Variants in ERI3 observed in about 807,000 individuals in gnomAD.
ERI3 encodes the protein ERI1 exoribonuclease family member 3.
ERI3 carries 18 observed loss-of-function variants against 44.4 expected under a neutral mutation model. The ratio of observed to expected loss-of-function variants is 0.41; its 90% CI spans 0.28 to 0.60. The LOEUF (loss-of-function observed/expected upper bound fraction) is 0.60, where lower values mean the gene tolerates loss of function less well. ERI3 is among the 20% of genes least tolerant of loss of function. The pLI is 0.36. For synonymous variants in ERI3, 183 were observed against 164.8 expected, an observed-to-expected ratio of 1.11 and a Z score of -0.84; for missense variants, 294 against 435.5, an observed-to-expected ratio of 0.68 and a Z score of 2.89.
intron 6 of ERI3, among the ~76,000 whole-genome samples, chr1:44,293,000 G>A (rs779468677): frequency 6.6e-5 from 10 of 152,364 alleles, no homozygotes; most frequent in South Asian, 4.1e-4. Flanking sequence ...GCGGGAAGCC[G>A]ACAGCGAGCG....
chr1:44,295,919 C>T (rs980978766), intron 6 of ERI3, among the ~76,000 whole-genome samples: 2 of 152,202 alleles, frequency 1.3e-5, no homozygotes, highest in East Asian at 3.9e-4. Flanking sequence ...AAAGGAATCA[C>T]TAGTCCCATG....
chr1:44,243,773 C>G (rs12062880), intron 8 of ERI3: 1 of 152,174 alleles, frequency 6.6e-6, no homozygotes, highest in South Asian at 2.1e-4. Flanking sequence ...TTCAGGCCTG[C>G]GTGTTTCACT....
chr1:44,275,971 G>A (rs765716509), intron 7 of ERI3, among the ~76,000 whole-genome samples: 1 of 152,148 alleles, frequency 6.6e-6, no homozygotes, highest in African/African-American at 2.4e-5. Context: ...ATTAGGCATC[G>A]GGTGAGTGCC....
intron 7 of ERI3, among the ~76,000 whole-genome samples, chr1:44,266,530 C>T (rs1038238009): frequency 1.3e-5 from 2 of 152,192 alleles, no homozygotes; most frequent in Non-Finnish European, 2.9e-5. Flanking sequence ...GGATGGTTTT[C>T]GGAATCACAA....
chr1:44,276,018 A>G (rs1373472226), intron 7 of ERI3, among the ~76,000 whole-genome samples: 1 of 152,180 alleles, frequency 6.6e-6, no homozygotes, highest in Non-Finnish European at 1.5e-5. Flanking sequence ...AGTGAAGGGG[A>G]GCCAGCTTGT....
chr1:44,282,986 T>C (rs552537702), intron 7 of ERI3, among the ~76,000 whole-genome samples: 2 of 152,314 alleles, frequency 1.3e-5, no homozygotes, highest in Non-Finnish European at 2.9e-5. Context: ...TTTCCTGCCT[T>C]TCTGCCAAGG....
Position 44,221,336 on chromosome 1 carries a change from G to T in ERI3, c.*222C>A. On this transcript the variant is annotated 3_prime_UTR_variant, in exon 9 of 9. Transcript: ENST00000372257. The surrounding 1 kb of genome is among the most constrained non-coding windows in gnomAD (Gnocchi z 5.9). ...GGGCTGATACTGGGCTGAGATTGAG[G>T]GGTGGGGATGGGGGGCACAAAGTGT... 1.8e-6 allele frequency: 1 copy of T among 559,784 alleles called. No homozygotes were observed. Among genetic ancestry groups the T allele is most frequent in the Non-Finnish European group, 3.2e-6 (1 of 313,216 alleles). 34.7% of individuals were successfully genotyped at this position (559,784 alleles called of 1,614,324 possible).
At chr1:44,226,617 G>A (rs942015102) in intron 8 of ERI3, among the ~76,000 whole-genome samples, 4 of 151,956 alleles carry the variant, frequency 2.6e-5, no homozygotes, top group African/African-American at 9.7e-5. Flanking sequence ...CAGCACAGGG[G>A]GAGCATCTAG....
At chr1:44,225,460 A>C (rs1010284055) in intron 8 of ERI3, among the ~76,000 whole-genome samples, 2 of 152,172 alleles carry the variant, frequency 1.3e-5, no homozygotes, top group African/African-American at 4.8e-5. Context: ...CTGCAGGATC[A>C]TCAATTTGTG....
At chr1:44,253,452 A>T (rs1314095450) in intron 7 of ERI3, among the ~76,000 whole-genome samples, 1 of 152,240 alleles carries the variant, frequency 6.6e-6, no homozygotes, top group African/African-American at 2.4e-5. Flanking sequence ...TTGAGAATAC[A>T]GTTCCCTCTC....
intron 3 of ERI3, among the ~76,000 whole-genome samples, chr1:44,328,501 T>TTTGAGAAC (rs1646362322): frequency 6.6e-6 from 1 of 152,134 alleles, no homozygotes; most frequent in African/African-American, 2.4e-5. Flanking sequence ...AAGTCTGAAG[T>TTTGAGAAC]TTGAGAACCG....
At chr1:44,249,812 C>A (rs1644637620) in intron 7 of ERI3, among the ~76,000 whole-genome samples, 2 of 152,132 alleles carry the variant, frequency 1.3e-5, no homozygotes, top group South Asian at 4.1e-4. Flanking sequence ...GCGCAGTGGG[C>A]CAGAGAGCAG....
chr1:44,268,274 G>A (rs1330699473), intron 7 of ERI3, among the ~76,000 whole-genome samples: 4 of 90,354 alleles, frequency 4.4e-5, no homozygotes, highest in Admixed American at 1.0e-4. Context: ...CCCATAGGGT[G>A]ACTGGTGGCT....
chr1:44,250,555 G>C (rs887246652), intron 7 of ERI3, among the ~76,000 whole-genome samples: 1 of 152,188 alleles, frequency 6.6e-6, no homozygotes, highest in East Asian at 1.9e-4. Context: ...GAGGCAACCC[G>C]GTCCCGCCTG....
chr1:44,306,036 C>T (rs1389002774), intron 6 of ERI3, among the ~76,000 whole-genome samples: 1 of 152,206 alleles, frequency 6.6e-6, no homozygotes, highest in Non-Finnish European at 1.5e-5. Flanking sequence ...ATTAGCTGTG[C>T]GCTGTCACGC....
At chr1:44,304,229 A>G (rs890063765) in intron 6 of ERI3, among the ~76,000 whole-genome samples, 2 of 152,094 alleles carry the variant, frequency 1.3e-5, no homozygotes, top group Non-Finnish European at 2.9e-5. Context: ...CCAGTTGGAG[A>G]AAAAGATTAG....
intron 6 of ERI3, among the ~76,000 whole-genome samples, chr1:44,303,371 CTACT>C (rs1170243672): frequency 1.3e-5 from 2 of 152,234 alleles, no homozygotes; most frequent in Non-Finnish European, 1.5e-5. Flanking sequence ...CTAAATCTAC[CTACT>C]AACAGTCCTC....
intron 4 of ERI3, among the ~76,000 whole-genome samples, chr1:44,318,603 G>A (rs528501368): frequency 4.2e-4 from 64 of 152,334 alleles, no homozygotes; most frequent in Admixed American, 1.2e-3. Flanking sequence ...CACTGGCATC[G>A]AATTCAGGAG....
chr1:44,236,185 C>G lies in ERI3; in HGVS notation c.931+11754G>C, dbSNP rs79169646. 2.0e-4 allele frequency among the ~76,000 whole-genome samples: 30 copies of G among 152,282 alleles called. No homozygotes were observed. The East Asian group carries it at 5.4e-3, about 27-fold the overall frequency. ...ACTTCCCTAGCTGCCTCCCCCTGCCCTGGCACCCAGGGGTGGGCCAGGGCC... is the reference window on the plus strand; with the variant it reads ...ACTTCCCTAGCTGCCTCCCCCTGCCGTGGCACCCAGGGGTGGGCCAGGGCC... On this transcript the variant is annotated intron_variant, in intron 8 of 8. Coordinates refer to ENST00000372257, the MANE Select transcript of ERI3 (RefSeq NM_024066.3).
Sources: gnomAD v4.1 joint callset for allele counts (sites outside exome capture counted in the v4.1 genomes callset) on GRCh38, gnomAD v4.1.1 for gene constraint, Gnocchi (gnomAD v3.1) non-coding constraint, MANE v1.5 for transcripts, NCBI Gene and HGNC (gene_info 2026-07-23, HGNC 2026-07-21) for gene names.